The following TYRP1 variants were observed in gnomAD, a reference collection of about 807,000 sequenced individuals.
The protein encoded by TYRP1 is 5,6-dihydroxyindole-2-carboxylic acid oxidase.
A neutral mutation model predicts 42.8 loss-of-function variants in TYRP1; 49 were observed. The ratio of observed to expected loss-of-function variants is 1.14; its 90% CI spans 0.91 to 1.45. The LOEUF is 1.45. TYRP1 is among the 40% of genes most tolerant of loss of function. The pLI, the probability that TYRP1 is intolerant of heterozygous loss-of-function variation, is 0.00. For missense variants in TYRP1, 848 were observed against 662.0 expected (o/e 1.28, Z -3.08); for synonymous variants, 279 against 235.4 (o/e 1.19, Z -1.69).
intron 5 of TYRP1, 112 bp from the exon 6 acceptor site, chr9:12,704,414 A>G: frequency 8.6e-7 from 1 of 1,157,948 alleles, no homozygotes; most frequent in Non-Finnish European, 1.2e-6. Context: ...TAAGGCAAAA[A>G]TTGGCCTGAC....
intron 6 of TYRP1, among the ~76,000 whole-genome samples, chr9:12,705,334 A>G (rs1219392680): frequency 2.0e-5 from 3 of 152,042 alleles, no homozygotes; most frequent in Non-Finnish European, 4.4e-5. Context: ...TGGTTAAAAC[A>G]TCGCAAATTT....
chr9:12,699,626 G>A (rs530510983), intron 4 of TYRP1, among the ~76,000 whole-genome samples: 1 of 152,136 alleles, frequency 6.6e-6, no homozygotes, highest in South Asian at 2.1e-4. Flanking sequence ...GCAATGTATA[G>A]GAATAAGAGA....
At chr9:12,697,020 A>T (rs1430044136) in intron 3 of TYRP1, among the ~76,000 whole-genome samples, 8 of 152,182 alleles carry the variant, frequency 5.3e-5, no homozygotes, top group Admixed American at 2.0e-4. Flanking sequence ...AAAGTACACT[A>T]TCCATTTGCA....
intron 2 of TYRP1, 33 bp downstream of exon 2, chr9:12,694,414 T>G: frequency 4.3e-6 from 7 of 1,611,370 alleles, no homozygotes; most frequent in Non-Finnish European, 5.1e-6. Flanking sequence ...TCATAAGTCC[T>G]GCATGAGACT....
At chr9:12,708,261 C>A in intron 7 of TYRP1, 118 bp downstream of exon 7, 2 of 1,256,238 alleles carry the variant, frequency 1.6e-6, no homozygotes, top group Non-Finnish European at 2.3e-6. Flanking sequence ...TGGAAACTTT[C>A]ATTTGTACTT....
At chr9:12,708,862 A>G in intron 7 of TYRP1, 115 bp from the exon 8 acceptor site, 1 of 1,029,902 alleles carries the variant, frequency 9.7e-7, no homozygotes, top group Non-Finnish European at 1.5e-6. Flanking sequence ...TGGCCAATGT[A>G]AATTAAATAT....
chr9:12,707,507 T>C (rs919087206), intron 6 of TYRP1, among the ~76,000 whole-genome samples: 2 of 151,600 alleles, frequency 1.3e-5, no homozygotes, highest in Non-Finnish European at 2.9e-5. Context: ...TGTAGATATA[T>C]GGAAGAAGAA....
rs1818338114 is a variant in TYRP1, at chr9:12,710,233, T to G, written c.*1051T>G. On this transcript the variant is annotated 3_prime_UTR_variant, in exon 8 of 8. Coordinates refer to ENST00000388918, the MANE Select transcript of TYRP1 (RefSeq NM_000550.3). Reference sequence around the variant, plus strand: ...TGTATAAGGTGGTCATAAGTGAATATTTTAATTAAAATTGGTAAAAATAAA... The same window carrying G: ...TGTATAAGGTGGTCATAAGTGAATAGTTTAATTAAAATTGGTAAAAATAAA... 1 of 146,214 alleles carries G rather than the reference T, an allele frequency of 6.8e-6. No individual in the cohort carries two copies. Among genetic ancestry groups the G allele is most frequent in the South Asian group, 2.1e-4 (1 of 4,732 alleles). 9.1% of individuals were successfully genotyped at this position (146,214 alleles called of 1,614,324 possible). A position where few individuals can be genotyped will look rare whatever the true frequency, so the allele number is the denominator to read the frequency against.
rs552459063 is a variant in TYRP1, at chr9:12,695,158, A to G, written c.386-357A>G. ...TCTCTGGTCTTAACTACTATGTTAT[A>G]TCACCTAATTTTCAAAGATTTATAA... On this transcript the variant is annotated intron_variant, in intron 2 of 7. Transcript: ENST00000388918. 3.4e-4 allele frequency among the ~76,000 whole-genome samples: 52 copies of G among 152,330 alleles called. 2 individuals are homozygous for G. In the South Asian group the frequency reaches 5.4e-3, roughly 16 times the overall value.
intron 5 of TYRP1, among the ~76,000 whole-genome samples, chr9:12,703,134 A>C (rs1005565280): frequency 6.6e-6 from 1 of 151,674 alleles, no homozygotes; most frequent in Non-Finnish European, 1.5e-5. Flanking sequence ...GATGCTTGAT[A>C]TATATATATA....
At chr9:12,705,971 T>C (rs1818251736) in intron 6 of TYRP1, among the ~76,000 whole-genome samples, 1 of 152,004 alleles carries the variant, frequency 6.6e-6, no homozygotes, top group Non-Finnish European at 1.5e-5. Flanking sequence ...AATAAATGAG[T>C]GACTTTTGAA....
chr9:12,709,517 A>G lies in TYRP1; in HGVS notation c.*335A>G, dbSNP rs1156690792. 5 of 266,736 alleles carry G rather than the reference A, an allele frequency of 1.9e-5. No homozygotes were observed. Among genetic ancestry groups the G allele is most frequent in the Non-Finnish European group, 7.3e-6 (1 of 136,670 alleles). The allele number at this position is 266,736 out of a possible 1,614,324, so 16.5% of individuals were successfully genotyped here. A position where few individuals can be genotyped will look rare whatever the true frequency, so the allele number is the denominator to read the frequency against. ...ATGCTTTGTTTACGTGTAAAGGAAA[A>G]TAATGTTTGATAGTAAATGTCCACT... On this transcript the variant is annotated 3_prime_UTR_variant, in exon 8 of 8. Coordinates refer to ENST00000388918, the MANE Select transcript of TYRP1 (RefSeq NM_000550.3).
intron 4 of TYRP1, among the ~76,000 whole-genome samples, 181 bp downstream of exon 4, chr9:12,698,836 C>T (rs370110072): frequency 7.9e-5 from 12 of 152,228 alleles, no homozygotes; most frequent in East Asian, 7.8e-4. Flanking sequence ...CTAGAAGTTG[C>T]TCCAGGGGAA....
intron 3 of TYRP1, among the ~76,000 whole-genome samples, chr9:12,696,624 A>T (rs1818083419): frequency 6.6e-6 from 1 of 152,198 alleles, no homozygotes; most frequent in African/African-American, 2.4e-5. Flanking sequence ...CCTCAACTCA[A>T]GCAGTTATTT....
At position 12,703,390 on chromosome 9, in the gene TYRP1, C is replaced by T. The variant is rs556640291; in HGVS notation, c.1081+952C>T. ...CTATTTTTGATCATTTTAATAACTA[C>T]CTGAATGCACTGATTTGAATATGAT... On this transcript the variant is annotated intron_variant, in intron 5 of 7. Coordinates refer to ENST00000388918, the MANE Select transcript of TYRP1 (RefSeq NM_000550.3). Among the ~76,000 whole-genome samples, 146 of 151,800 alleles carry T rather than the reference C, an allele frequency of 9.6e-4. 1 individual carries two copies. The highest frequency in any genetic ancestry group is 1.6e-3 in the Non-Finnish European group (110 of 67,908).
intron 4 of TYRP1, among the ~76,000 whole-genome samples, chr9:12,699,207 AAC>A (rs1265578004): frequency 6.6e-6 from 1 of 152,094 alleles, no homozygotes; most frequent in East Asian, 1.9e-4. Context: ...TTCCAAAGTG[AAC>A]ACAGTAAGAG....
chr9:12,693,946 C>A lies in TYRP1; in HGVS notation c.-51C>A. The A allele has an allele frequency of 6.2e-7, 1 of 1,610,340 alleles. No individual in the cohort carries two copies. Among genetic ancestry groups the A allele is most frequent in the Non-Finnish European group, 8.5e-7 (1 of 1,179,130 alleles). ...CCTCTACGTGCTTCAGTCTTCTCTA[C>A]ACAAAGAGCTGCAAACCAGGTCTTT... is the stretch of plus-strand genomic sequence containing the variant. On this transcript the variant is annotated 5_prime_UTR_variant, in exon 2 of 8. Transcript: ENST00000388918.
rs539620555 is a variant in TYRP1 at position 12,707,787 on chromosome 9, A to G, written c.1262-210A>G. 13 of 445,222 alleles carry G rather than the reference A, an allele frequency of 2.9e-5. No individual in the cohort carries two copies. The East Asian group carries it at 4.1e-4, about 14-fold the overall frequency. 27.6% of individuals were successfully genotyped at this position (445,222 alleles called of 1,614,324 possible). ...CTGCTTTTAAACTCTCTTTTTTATTAAGTGGTATATTGGTACTGTATTCAA... is the reference window on the plus strand; with the variant it reads ...CTGCTTTTAAACTCTCTTTTTTATTGAGTGGTATATTGGTACTGTATTCAA... On this transcript the variant is annotated intron_variant, in intron 6 of 7. Transcript: ENST00000388918.
At chr9:12,698,074 G>A (rs1044878011) in intron 3 of TYRP1, among the ~76,000 whole-genome samples, 1 of 152,060 alleles carries the variant, frequency 6.6e-6, no homozygotes, top group Admixed American at 6.6e-5. Flanking sequence ...ATTAAAGATA[G>A]GAAAATGGAA....
Sources: allele counts gnomAD v4.1 joint callset (sites outside exome capture counted in the v4.1 genomes callset), GRCh38; gene constraint gnomAD v4.1.1; transcripts MANE v1.5; gene names NCBI Gene and HGNC (gene_info 2026-07-23, HGNC 2026-07-21).